The following SLC8A1 variants were observed in gnomAD, a reference collection of about 807,000 sequenced individuals.
SLC8A1 encodes the protein solute carrier family 8 member A1.
A neutral mutation model predicts 68.3 loss-of-function variants in SLC8A1; 18 were observed. That is an observed-to-expected ratio of 0.26 (90% CI 0.18 to 0.39). The LOEUF is 0.39. SLC8A1 is among the 10% of genes least tolerant of loss of function. The probability of loss-of-function intolerance (pLI) is 1.00; values close to 1 mark genes in which losing one functional copy is unlikely to be tolerated. For synonymous variants in SLC8A1, 475 were observed against 415.5 expected (o/e 1.14, Z -1.74); for missense variants, 985 against 1,156.7 (o/e 0.85, Z 2.15).
chr2:40,501,663 G>A (rs760483899), intron 1 of SLC8A1, among the ~76,000 whole-genome samples: 5 of 152,040 alleles, frequency 3.3e-5, no homozygotes, highest in East Asian at 1.9e-4. Flanking sequence ...GAAGATAAAT[G>A]TTTCTTTCAT....
rs922908097 is a variant in SLC8A1, at chr2:40,435,977, AG to A, written c.-24-5674del. Among the ~76,000 whole-genome samples, 6 of 149,080 alleles carry A rather than the reference AG, an allele frequency of 4.0e-5. No individual in the cohort carries two copies. The Admixed American group carries it at 4.0e-4, about 10-fold the overall frequency. On this transcript the variant is annotated intron_variant, in intron 1 of 7. Coordinates refer to ENST00000406785, the Ensembl canonical transcript of SLC8A1. ...TTTTTTTTGTATTTTTAGTAGAGAC[AG>A]GGTTTCACCATGTTGAACTCCTGAC...
At chr2:40,462,886 G>T (rs1245273027) in intron 1 of SLC8A1, among the ~76,000 whole-genome samples, 1 of 152,078 alleles carries the variant, frequency 6.6e-6, no homozygotes, top group Non-Finnish European at 1.5e-5. Context: ...CTTGAATTTT[G>T]GTAGTTGCCT....
chr2:40,206,942 T>G (rs1437283669), intron 2 of SLC8A1, among the ~76,000 whole-genome samples: 2 of 152,058 alleles, frequency 1.3e-5, no homozygotes, highest in Non-Finnish European at 2.9e-5. Flanking sequence ...CAGGCATTAA[T>G]GATTCTGAAT....
chr2:40,191,495 C>T (rs1421416087), intron 2 of SLC8A1, among the ~76,000 whole-genome samples: 2 of 152,172 alleles, frequency 1.3e-5, no homozygotes, highest in African/African-American at 2.4e-5. Context: ...CCAGAACAGA[C>T]TTTATTGGGT....
At chr2:40,496,997 C>T (rs565318431) in intron 1 of SLC8A1, among the ~76,000 whole-genome samples, 4 of 150,970 alleles carry the variant, frequency 2.6e-5, no homozygotes, top group Non-Finnish European at 5.9e-5. Flanking sequence ...GTGGGTGCAG[C>T]GCACCAGCAT....
chr2:40,319,230 C>T (rs2074884986), intron 2 of SLC8A1, among the ~76,000 whole-genome samples: 3 of 152,052 alleles, frequency 2.0e-5, no homozygotes, highest in Admixed American at 2.0e-4. Context: ...CTAAATAGAA[C>T]ACTTAACAAG....
At chr2:40,414,664 T>G (rs928525741) in intron 2 of SLC8A1, among the ~76,000 whole-genome samples, 1 of 152,174 alleles carries the variant, frequency 6.6e-6, no homozygotes, top group African/African-American at 2.4e-5. Flanking sequence ...TGGAGGTTTA[T>G]TCATTGCTTA....
exon 8 of SLC8A1, chr2:40,104,472 A>G (rs1160821986): frequency 2.0e-5 from 3 of 152,212 alleles, no homozygotes; most frequent in Non-Finnish European, 4.4e-5. Context: ...TGGAAGACAG[A>G]ATGTGAAATT....
chr2:40,161,985 C>G (rs781572458), intron 5 of SLC8A1, among the ~76,000 whole-genome samples: 1 of 152,120 alleles, frequency 6.6e-6, no homozygotes, highest in African/African-American at 2.4e-5. Flanking sequence ...TATTAAAGGC[C>G]AAAACCAAAT....
rs148017688 is a variant in SLC8A1 at position 40,186,126 on chromosome 2, T to G, written c.1809-8271A>C. On this transcript the variant is annotated intron_variant, in intron 2 of 7. Transcript: ENST00000406785. ...TTTCTTTTCCCCAAAATATAAGGTA[T>G]TATGAAAATGTCAGAAGCAGCTTTT... 1.1e-3 allele frequency among the ~76,000 whole-genome samples: 160 copies of G among 152,304 alleles called. 1 individual carries two copies. The highest frequency in any genetic ancestry group is 2.5e-3 in the East Asian group (13 of 5,176).
exon 8 of SLC8A1, chr2:40,112,284 C>G (rs1008482327): frequency 6.6e-6 from 1 of 152,400 alleles, no homozygotes; most frequent in African/African-American, 2.4e-5. Flanking sequence ...CTTTATTTGT[C>G]TGTGTCAGTA....
intron 2 of SLC8A1, chr2:40,251,318 C>A (rs2062714048): frequency 6.6e-6 from 1 of 152,142 alleles, no homozygotes; most frequent in Non-Finnish European, 1.5e-5. Context: ...ACTGTGTAAA[C>A]AGACTTACAC....
intron 2 of SLC8A1, among the ~76,000 whole-genome samples, chr2:40,185,020 T>C (rs1202269584): frequency 6.6e-6 from 1 of 151,220 alleles, no homozygotes; most frequent in Non-Finnish European, 1.5e-5. Flanking sequence ...GTCCACATAA[T>C]TAGCTATCAG....
chr2:40,295,052 A>C (rs916806321), intron 2 of SLC8A1, among the ~76,000 whole-genome samples: 7 of 152,190 alleles, frequency 4.6e-5, no homozygotes, highest in African/African-American at 1.7e-4. Context: ...CAGATAATCC[A>C]TAAAGTTGTT....
At chr2:40,252,615 C>T (rs1411578178) in intron 2 of SLC8A1, among the ~76,000 whole-genome samples, 1 of 151,992 alleles carries the variant, frequency 6.6e-6, no homozygotes, top group Non-Finnish European at 1.5e-5. Flanking sequence ...ATGACAGGTG[C>T]ACAGGTGTGA....
intron 1 of SLC8A1, among the ~76,000 whole-genome samples, chr2:40,486,150 G>C (rs1704955047): frequency 6.6e-6 from 1 of 152,072 alleles, no homozygotes; most frequent in Non-Finnish European, 1.5e-5. Flanking sequence ...CAGTTCTCCT[G>C]CCTGCCGCCT....
At chr2:40,306,207 G>C (rs1049873416) in intron 2 of SLC8A1, among the ~76,000 whole-genome samples, 2 of 152,226 alleles carry the variant, frequency 1.3e-5, no homozygotes, top group African/African-American at 2.4e-5. Flanking sequence ...GAAATGGAAA[G>C]GAGATGAGGA....
chr2:40,388,214 A>G (rs1392661975), intron 2 of SLC8A1, among the ~76,000 whole-genome samples: 1 of 152,180 alleles, frequency 6.6e-6, no homozygotes, highest in Non-Finnish European at 1.5e-5. Flanking sequence ...AGTATAATTA[A>G]ATGCATAAAA....
In SLC8A1 at chr2:40,338,346, T is replaced by C. The variant is rs145907758; in HGVS notation, c.1808+90127A>G. ...ACAAACAACAGTGTGTGTGTGTATA[T>C]ATGTCTGCATGTATACATACATGTG... On this transcript the variant is annotated intron_variant, in intron 2 of 7. Coordinates refer to ENST00000406785, the Ensembl canonical transcript of SLC8A1. Among the ~76,000 whole-genome samples the C allele has an allele frequency of 1.2e-4, 19 of 152,308 alleles. No individual in the cohort carries two copies. In the East Asian group the frequency reaches 2.9e-3, roughly 23 times the overall value.
Sources: gnomAD v4.1 joint callset for allele counts (sites outside exome capture counted in the v4.1 genomes callset) on GRCh38, gnomAD v4.1.1 for gene constraint, MANE v1.5 for transcripts, NCBI Gene and HGNC (gene_info 2026-07-23, HGNC 2026-07-21) for gene names.